The following NLGN1 variants were observed in gnomAD, a reference collection of about 807,000 sequenced individuals.
NLGN1 encodes neuroligin 1.
Under a neutral mutation model 65.5 loss-of-function variants are expected in NLGN1, and 12 were observed. The observed-to-expected ratio is 0.18, with a 90% CI of 0.12 to 0.30. The LOEUF (loss-of-function observed/expected upper bound fraction) is 0.30. Ranked by LOEUF, NLGN1 falls within the 10% of genes least tolerant of loss-of-function variation. NLGN1 has a pLI of 1.00. For missense variants in NLGN1, 750 were observed against 1,007.1 expected (o/e 0.74, Z 3.46); for synonymous variants, 350 against 359.5 (o/e 0.97, Z 0.30).
intron 4 of NLGN1, among the ~76,000 whole-genome samples, chr3:174,263,271 T>A (rs1303343164): frequency 2.0e-5 from 3 of 146,874 alleles, no homozygotes; most frequent in Non-Finnish European, 4.5e-5. Flanking sequence ...CTGTCTAATG[T>A]TGACAGTGGG....
Position 174,279,706 on chromosome 3 carries a change from T to G in NLGN1, c.1649+56T>G, listed in dbSNP as rs1577790909. ...AATAAAAATGTTATTTTAACCATTTTAAAATAATAGATATTTATGCCCAGA... is the reference window on the plus strand; with the variant it reads ...AATAAAAATGTTATTTTAACCATTTGAAAATAATAGATATTTATGCCCAGA... On this transcript the variant is annotated intron_variant, in intron 6 of 6. Transcript: ENST00000457714. The surrounding 1 kb of genome is among the most constrained non-coding windows in gnomAD (Gnocchi z 4.7). 4 of 1,048,590 alleles carry G rather than the reference T, an allele frequency of 3.8e-6. No homozygotes were observed. The East Asian group carries it at 1.0e-4, about 27-fold the overall frequency. The allele number at this position is 1,048,590 out of a possible 1,614,324, so 65.0% of individuals were successfully genotyped here.
At chr3:174,172,337 T>A (rs1728703028) in intron 4 of NLGN1, among the ~76,000 whole-genome samples, 1 of 152,114 alleles carries the variant, frequency 6.6e-6, no homozygotes, top group Admixed American at 6.6e-5. Context: ...TATAATTAAA[T>A]TATTTTTGAC....
chr3:174,201,317 G>A, intron 4 of NLGN1, among the ~76,000 whole-genome samples: 1 of 142,252 alleles, frequency 7.0e-6, no homozygotes, highest in South Asian at 2.4e-4. Flanking sequence ...AGGAAGGGAG[G>A]GAGGCGGGAG....
intron 4 of NLGN1, among the ~76,000 whole-genome samples, chr3:173,943,042 T>A (rs913998059): frequency 3.3e-5 from 5 of 151,916 alleles, no homozygotes; most frequent in Non-Finnish European, 1.5e-5. Flanking sequence ...CTGAGAAACA[T>A]GGCAAAACCC....
In NLGN1 at chr3:173,435,532, A is replaced by G. The variant is rs1717960310; in HGVS notation, c.-321+454A>G. Among the ~76,000 whole-genome samples the G allele has an allele frequency of 2.6e-5, 4 of 152,230 alleles. No homozygotes were observed. The South Asian group carries it at 8.3e-4, about 32-fold the overall frequency. Reference sequence around the variant, plus strand: ...TATTTATAATCACTTCAATAAAGTCATTTTTAGAAAAAAAAATGTAGGCTG... The same window carrying G: ...TATTTATAATCACTTCAATAAAGTCGTTTTTAGAAAAAAAAATGTAGGCTG... On this transcript the variant is annotated intron_variant, in intron 2 of 6. Coordinates refer to ENST00000457714, the Ensembl canonical transcript of NLGN1.
At chr3:173,691,360 C>A (rs1474941952) in intron 3 of NLGN1, among the ~76,000 whole-genome samples, 1 of 152,064 alleles carries the variant, frequency 6.6e-6, no homozygotes, top group African/African-American at 2.4e-5. Flanking sequence ...GCTTTTACTA[C>A]AAAATTAATA....
chr3:173,912,845 C>T (rs769521705), intron 4 of NLGN1, among the ~76,000 whole-genome samples: 3 of 151,902 alleles, frequency 2.0e-5, no homozygotes, highest in South Asian at 2.1e-4. Flanking sequence ...ACTGGCTAGA[C>T]GAAAATACTA....
At chr3:174,275,958 G>T (rs928079068) in intron 5 of NLGN1, among the ~76,000 whole-genome samples, 1 of 151,850 alleles carries the variant, frequency 6.6e-6, no homozygotes, top group African/African-American at 2.4e-5. Context: ...AGCTAACGAA[G>T]CGGTCATAAG....
chr3:173,535,944 C>T (rs868770638), intron 2 of NLGN1, among the ~76,000 whole-genome samples: 37 of 152,298 alleles, frequency 2.4e-4, no homozygotes, highest in African/African-American at 7.5e-4. Flanking sequence ...GACATATTAA[C>T]TCGTTTGCAG....
intron 2 of NLGN1, among the ~76,000 whole-genome samples, chr3:173,444,192 A>C: frequency 6.6e-6 from 1 of 152,226 alleles, no homozygotes. Flanking sequence ...CATCGTTTTA[A>C]AAAGTTTAAT....
chr3:173,846,903 G>A (rs918559561), intron 4 of NLGN1, among the ~76,000 whole-genome samples: 1 of 152,160 alleles, frequency 6.6e-6, no homozygotes. Context: ...TAGTGGACAA[G>A]CATTGTGTTT....
chr3:173,496,553 G>A (rs1730055824), intron 2 of NLGN1, among the ~76,000 whole-genome samples: 1 of 151,700 alleles, frequency 6.6e-6, no homozygotes, highest in South Asian at 2.1e-4. Flanking sequence ...AAACCTTGGA[G>A]AGACCACCTA....
chr3:173,593,002 C>A (rs774144900), intron 2 of NLGN1, among the ~76,000 whole-genome samples: 1 of 152,116 alleles, frequency 6.6e-6, no homozygotes, highest in Non-Finnish European at 1.5e-5. Context: ...TTACTTCTGG[C>A]ACATTCTATA....
intron 4 of NLGN1, among the ~76,000 whole-genome samples, chr3:174,068,303 AC>A (rs1739090711): frequency 6.6e-6 from 1 of 151,744 alleles, no homozygotes; most frequent in Admixed American, 6.6e-5. Context: ...GGTCTGTCCC[AC>A]TCCCTTCCAG....
intron 4 of NLGN1, among the ~76,000 whole-genome samples, chr3:174,134,549 G>T (rs1420591591): frequency 6.6e-6 from 1 of 152,036 alleles, no homozygotes; most frequent in East Asian, 1.9e-4. Flanking sequence ...TATACTGAAG[G>T]ACTAAGAAAC....
At chr3:173,731,439 A>G (rs1038577023) in intron 3 of NLGN1, among the ~76,000 whole-genome samples, 4 of 152,150 alleles carry the variant, frequency 2.6e-5, no homozygotes, top group Non-Finnish European at 5.9e-5. Context: ...CTTTGGATCC[A>G]GGTCCCACTA....
chr3:174,147,955 C>T (rs1723653031), intron 4 of NLGN1, among the ~76,000 whole-genome samples: 1 of 152,204 alleles, frequency 6.6e-6, no homozygotes, highest in African/African-American at 2.4e-5. Context: ...AAATCCTCCT[C>T]TTGTTCTTAG....
intron 4 of NLGN1, among the ~76,000 whole-genome samples, chr3:173,888,850 T>G (rs1436967628): frequency 6.6e-6 from 1 of 152,152 alleles, no homozygotes; most frequent in Non-Finnish European, 1.5e-5. Context: ...GTTTTCATTT[T>G]GTTACCTTTA....
At chr3:174,154,980 T>A (rs185993276) in intron 4 of NLGN1, among the ~76,000 whole-genome samples, 16 of 122,246 alleles carry the variant, frequency 1.3e-4, no homozygotes, top group South Asian at 2.3e-4. Context: ...ATATAATATA[T>A]TATATTATAT....
Sources: gnomAD v4.1 joint callset for allele counts (sites outside exome capture counted in the v4.1 genomes callset) on GRCh38, gnomAD v4.1.1 for gene constraint, Gnocchi (gnomAD v3.1) non-coding constraint, MANE v1.5 for transcripts, NCBI Gene and HGNC (gene_info 2026-07-23, HGNC 2026-07-21) for gene names.